CRACDL: variants seen among roughly 807,000 people sequenced by gnomAD.
The protein encoded by CRACDL is CRACD-like protein.
A neutral mutation model predicts 70.6 loss-of-function variants in CRACDL; 26 were observed. The observed-to-expected ratio is 0.37, with a 90% CI of 0.27 to 0.51. The LOEUF is 0.51. CRACDL is among the 20% of genes least tolerant of loss of function. The pLI, the probability that CRACDL is intolerant of heterozygous loss-of-function variation, is 0.94. For synonymous variants in CRACDL, 618 were observed against 615.2 expected (o/e 1.00, Z -0.07); for missense variants, 1,283 against 1,376.9 (o/e 0.93, Z 1.08).
intron 1 of CRACDL, among the ~76,000 whole-genome samples, chr2:98,847,020 G>C (rs1162092303): frequency 6.6e-6 from 1 of 152,184 alleles, no homozygotes; most frequent in African/African-American, 2.4e-5. Flanking sequence ...ACTGACTGGG[G>C]CAATTTAATG....
intron 1 of CRACDL, among the ~76,000 whole-genome samples, chr2:98,860,082 A>G (rs1355395342): frequency 6.6e-6 from 1 of 152,240 alleles, no homozygotes; most frequent in Non-Finnish European, 1.5e-5. Flanking sequence ...ACAAAATAGG[A>G]GTAAGTTTAA....
rs566444112 is a variant in CRACDL at position 98,824,920 on chromosome 2, G to A, written c.736-1383C>T. Among the ~76,000 whole-genome samples the A allele has an allele frequency of 3.5e-4, 54 of 152,256 alleles. 1 individual carries two copies. The South Asian group carries it at 0.011, about 30-fold the overall frequency. Reference sequence around the variant, plus strand: ...GGTTCTTTACTTTGCCATGTTGATGGCCTTCTGCTACTACAGGAAACTGCT... The same window carrying A: ...GGTTCTTTACTTTGCCATGTTGATGACCTTCTGCTACTACAGGAAACTGCT... On this transcript the variant is annotated intron_variant, in intron 6 of 9. Coordinates refer to ENST00000397899, the MANE Select transcript of CRACDL (RefSeq NM_207362.3).
chr2:98,883,725 T>C (rs1273324057), intron 1 of CRACDL, among the ~76,000 whole-genome samples: 2 of 152,208 alleles, frequency 1.3e-5, no homozygotes, highest in Non-Finnish European at 2.9e-5. Context: ...CCAAGTTCTG[T>C]CTTTACTGGA....
chr2:98,796,703 T>A (rs552388773), intron 8 of CRACDL, among the ~76,000 whole-genome samples: 42 of 152,204 alleles, frequency 2.8e-4, no homozygotes, highest in Non-Finnish European at 5.4e-4. Flanking sequence ...GGGAAGCAGG[T>A]CCTAATGCAG....
At chr2:98,813,073 T>A (rs977164236) in intron 7 of CRACDL, among the ~76,000 whole-genome samples, 4 of 152,224 alleles carry the variant, frequency 2.6e-5, no homozygotes, top group Admixed American at 2.6e-4. Context: ...CTTTTGCCTA[T>A]GAATATTCCT....
chr2:98,895,324 G>C (rs979390569), intron 1 of CRACDL, among the ~76,000 whole-genome samples: 1 of 152,176 alleles, frequency 6.6e-6, no homozygotes, highest in African/African-American at 2.4e-5. Flanking sequence ...GCAGGTGCTG[G>C]GATAGAAGGA....
At chr2:98,800,963 G>A (rs1318705598) in intron 7 of CRACDL, among the ~76,000 whole-genome samples, 1 of 152,182 alleles carries the variant, frequency 6.6e-6, no homozygotes, top group Non-Finnish European at 1.5e-5. Context: ...GTGTGTCTGT[G>A]TTCACATGCA....
chr2:98,880,563 C>T (rs1032749923), intron 1 of CRACDL, among the ~76,000 whole-genome samples: 6 of 152,128 alleles, frequency 3.9e-5, no homozygotes, highest in South Asian at 2.1e-4. Flanking sequence ...GTCCTACAGA[C>T]GATAGGATGG....
chr2:98,808,005 C>T (rs766051868), intron 7 of CRACDL, among the ~76,000 whole-genome samples: 7 of 152,214 alleles, frequency 4.6e-5, no homozygotes, highest in Non-Finnish European at 7.3e-5. Context: ...GTGCTGTCAA[C>T]CAGTCATACG....
At chr2:98,840,811 C>T (rs1270425449) in intron 2 of CRACDL, 2 of 152,058 alleles carry the variant, frequency 1.3e-5, no homozygotes, top group African/African-American at 4.8e-5. Context: ...TGTGAAATGG[C>T]CCTTTTTATG....
At chr2:98,824,581 G>A (rs1032176774) in intron 6 of CRACDL, among the ~76,000 whole-genome samples, 1 of 152,116 alleles carries the variant, frequency 6.6e-6, no homozygotes, top group African/African-American at 2.4e-5. Flanking sequence ...CGAAAAGGTT[G>A]ATGGTGTAGA....
At position 98,905,379 on chromosome 2, in the gene CRACDL, C is replaced by T. The variant is rs538874990; in HGVS notation, c.-11+30559G>A. Reference sequence around the variant, plus strand: ...AGCTTCCTGAGGCCCTCACCAGAAGCAGATGCCAGCACCACATTCCCTGTA... The same window carrying T: ...AGCTTCCTGAGGCCCTCACCAGAAGTAGATGCCAGCACCACATTCCCTGTA... On this transcript the variant is annotated intron_variant, in intron 1 of 9. Transcript: ENST00000397899. Among the ~76,000 whole-genome samples the T allele has an allele frequency of 1.4e-4, 21 of 152,250 alleles. No individual in the cohort carries two copies. In the East Asian group the frequency reaches 3.7e-3, roughly 27 times the overall value.
At chr2:98,833,355 G>A (rs1387038808) in intron 3 of CRACDL, among the ~76,000 whole-genome samples, 1 of 152,252 alleles carries the variant, frequency 6.6e-6, no homozygotes, top group African/African-American at 2.4e-5. Flanking sequence ...GCTGCCCCAG[G>A]GAGGGTGAGG....
At chr2:98,870,475 G>A (rs1707300756) in intron 1 of CRACDL, among the ~76,000 whole-genome samples, 1 of 84,130 alleles carries the variant, frequency 1.2e-5, no homozygotes, top group Admixed American at 1.6e-4. Flanking sequence ...ATATACATTT[G>A]CCCTTTGTGC....
chr2:98,902,929 C>T (rs564265597), intron 1 of CRACDL, among the ~76,000 whole-genome samples: 2 of 152,158 alleles, frequency 1.3e-5, no homozygotes, highest in Non-Finnish European at 2.9e-5. Flanking sequence ...CTAGAGCCTA[C>T]GACCAGCTTT....
chr2:98,877,172 A>G lies in CRACDL; in HGVS notation c.-10-30362T>C, dbSNP rs528753351. Among the ~76,000 whole-genome samples the G allele has an allele frequency of 7.2e-5, 11 of 152,342 alleles. No homozygotes were observed. The East Asian group carries it at 2.1e-3, about 29-fold the overall frequency. On this transcript the variant is annotated intron_variant, in intron 1 of 9. Transcript: ENST00000397899. ...GCTGCCTCTATTGGTAGAAATAGCAATAAGTCTGTAGAACTGGGTTCTACC... is the reference window on the plus strand; with the variant it reads ...GCTGCCTCTATTGGTAGAAATAGCAGTAAGTCTGTAGAACTGGGTTCTACC...
chr2:98,838,119 T>G lies in CRACDL; in HGVS notation c.239A>C (p.Glu80Ala). The G allele has an allele frequency of 1.9e-6, 3 of 1,602,172 alleles. No homozygotes were observed. The South Asian group carries it at 3.4e-5, about 18-fold the overall frequency. ...CCGAGGGATGTAAAATGCAACTTAC[T>G]CCAGCTCATCCTCGGAGTCGTAGCC... is the stretch of plus-strand genomic sequence containing the variant. Reference protein sequence around the residue: ...PVGYDSEDELEESRGTLGSRA... With the variant: ...PVGYDSEDELAESRGTLGSRA... The change falls in exon 3 of 10, where the codon GAG becomes GCG. Residue 80 changes from glutamate to alanine, a missense_variant and splice_region_variant. Around this residue, in one of 2 missense-constraint regions of CRACDL, gnomAD observed 362 missense variants for 495.0 expected, o/e 0.73. Transcript: ENST00000397899.
chr2:98,872,745 G>C, intron 1 of CRACDL, among the ~76,000 whole-genome samples: 1 of 152,220 alleles, frequency 6.6e-6, no homozygotes, highest in East Asian at 1.9e-4. Context: ...GATGCTGCCC[G>C]TGGACCTTCC....
chr2:98,795,077 A>ATATTTTTTTTTTTT, intron 9 of CRACDL, among the ~76,000 whole-genome samples: 90 of 58,440 alleles, frequency 1.5e-3, no homozygotes, highest in Non-Finnish European at 2.5e-3. Context: ...ATATATATAT[A>ATATTTTTTTTTTTT]TTTTTTTTTT....
Sources: allele counts gnomAD v4.1 joint callset (sites outside exome capture counted in the v4.1 genomes callset), GRCh38; gene constraint gnomAD v4.1.1; regional missense constraint gnomAD v4.1.1; transcripts MANE v1.5; gene names NCBI Gene and HGNC (gene_info 2026-07-23, HGNC 2026-07-21).